The following ASH1L variants were observed in gnomAD, a reference collection of about 807,000 sequenced individuals.
The protein encoded by ASH1L is ASH1 like histone lysine methyltransferase.
In ASH1L, 23 loss-of-function variants were observed where a neutral mutation model predicts 269.0. The ratio of observed to expected loss-of-function variants is 0.09; its 90% CI spans 0.06 to 0.12. The LOEUF is 0.12. Among genes scored for constraint, ASH1L ranks in the 10% least tolerant of loss-of-function variants. The pLI is 1.00. For missense variants in ASH1L, 2,912 were observed against 3,567.8 expected (o/e 0.82, Z 4.68); for synonymous variants, 1,187 against 1,253.5 (o/e 0.95, Z 1.12).
intron 2 of ASH1L, among the ~76,000 whole-genome samples, chr1:155,487,775 A>G (rs1666429276): frequency 6.6e-6 from 1 of 152,038 alleles, no homozygotes. Context: ...GTATTTTTCT[A>G]TATGTATGTT....
chr1:155,428,777 T>C (rs753834481), intron 5 of ASH1L, among the ~76,000 whole-genome samples: 1 of 152,220 alleles, frequency 6.6e-6, no homozygotes, highest in African/African-American at 2.4e-5. Flanking sequence ...ATACTTTTAG[T>C]TAATCCCGTT....
intron 12 of ASH1L, among the ~76,000 whole-genome samples, chr1:155,361,373 C>T (rs1269957378): frequency 5.9e-5 from 9 of 151,628 alleles, no homozygotes; most frequent in Non-Finnish European, 1.0e-4. Flanking sequence ...AAAAATTAGC[C>T]GGGCATGGTG....
intron 1 of ASH1L, among the ~76,000 whole-genome samples, chr1:155,545,282 T>C (rs924993075): frequency 1.4e-5 from 2 of 145,344 alleles, no homozygotes; most frequent in Admixed American, 1.4e-4. Flanking sequence ...AAATGGGCAC[T>C]AGTGGCCACC....
At chr1:155,427,685 C>T (rs1375552666) in intron 5 of ASH1L, among the ~76,000 whole-genome samples, 1 of 152,086 alleles carries the variant, frequency 6.6e-6, no homozygotes, top group Non-Finnish European at 1.5e-5. Flanking sequence ...GTGATCCACC[C>T]ACCTCGGCCT....
intron 4 of ASH1L, among the ~76,000 whole-genome samples, chr1:155,439,552 T>C (rs1662375056): frequency 6.6e-6 from 1 of 152,020 alleles, no homozygotes; most frequent in Admixed American, 6.6e-5. Context: ...ATAAAAAAAT[T>C]AGCCAGGCAT....
intron 6 of ASH1L, among the ~76,000 whole-genome samples, chr1:155,403,807 T>C (rs889277777): frequency 6.6e-5 from 10 of 151,970 alleles, no homozygotes; most frequent in African/African-American, 9.7e-5. Flanking sequence ...CAGAAGCTTT[T>C]TTTGGAGGGC....
At position 155,415,736 on chromosome 1, in the gene ASH1L, C is replaced by T; in HGVS notation, c.6008+8G>A. On this transcript the variant is annotated splice_region_variant and intron_variant, in intron 6 of 27. Transcript: ENST00000392403. ...AAGGGATGTTAGCTAATAGGTACTA[C>T]TACTTACTCTGTAGTTTTGTAAACG... The T allele has an allele frequency of 6.2e-7, 1 of 1,613,232 alleles. No individual in the cohort carries two copies. The highest frequency in any genetic ancestry group is 8.5e-7 in the Non-Finnish European group (1 of 1,179,692).
chr1:155,372,725 C>T (rs1310761008), intron 10 of ASH1L, among the ~76,000 whole-genome samples: 1 of 152,064 alleles, frequency 6.6e-6, no homozygotes, highest in Non-Finnish European at 1.5e-5. Flanking sequence ...ATCCATCCTG[C>T]CTCGGCCTCC....
At chr1:155,403,496 T>A (rs1403361298) in intron 6 of ASH1L, among the ~76,000 whole-genome samples, 1 of 152,220 alleles carries the variant, frequency 6.6e-6, no homozygotes, top group Non-Finnish European at 1.5e-5. Context: ...TCTCTAAGCC[T>A]TAGCTTCTTC....
At chr1:155,541,309 T>C (rs1441966674) in intron 1 of ASH1L, among the ~76,000 whole-genome samples, 5 of 152,038 alleles carry the variant, frequency 3.3e-5, no homozygotes, top group Non-Finnish European at 7.4e-5. Context: ...ACTTAAAATA[T>C]TAAAAATTGA....
intron 25 of ASH1L, among the ~76,000 whole-genome samples, chr1:155,341,385 C>G (rs1036591355): frequency 6.6e-6 from 1 of 152,120 alleles, no homozygotes; most frequent in African/African-American, 2.4e-5. Flanking sequence ...ACCGTGTTAG[C>G]CAGGATGGTC....
At chr1:155,446,607 G>GTTTCTTTTTTTTTTTT (rs1663050175) in intron 4 of ASH1L, among the ~76,000 whole-genome samples, 4 of 144,742 alleles carry the variant, frequency 2.8e-5, no homozygotes, top group Non-Finnish European at 6.1e-5. Flanking sequence ...CTACATTTCA[G>GTTTCTTTTTTTTTTTT]TTTCTTTTTT....
Position 155,521,936 on chromosome 1 carries a change from T to C in ASH1L, c.-99-318A>G, listed in dbSNP as rs553513197. 5.3e-5 allele frequency among the ~76,000 whole-genome samples: 8 copies of C among 152,278 alleles called. No individual in the cohort carries two copies. In the East Asian group the frequency reaches 1.4e-3, roughly 26 times the overall value. ...CTAAAATCAAAATAACTTTCATATA[T>C]TTTCGCACTCATCAGTTTTAAAAGA... On this transcript the variant is annotated intron_variant, in intron 1 of 27. Coordinates refer to ENST00000392403, the MANE Select transcript of ASH1L (RefSeq NM_018489.3).
Position 155,481,418 on chromosome 1 carries a change from T to A in ASH1L, c.1452A>T (p.Arg484=). The change falls in exon 3 of 28, where the codon CGA becomes CGT. Residue 484 remains arginine (R), a synonymous_variant. Transcript: ENST00000392403. ...KESILEKFSV[R]KEIINLEKEM... ...CTTTCTCCAAATTAATGATTTCTTT[T>A]CGTACTGAGAACTTTTCCAATATGC... The A allele has an allele frequency of 6.2e-7, 1 of 1,614,104 alleles. No homozygotes were observed. The highest frequency in any genetic ancestry group is 1.3e-5 in the African/African-American group (1 of 75,060).
At chr1:155,381,531 T>C (rs1041089028) in intron 7 of ASH1L, among the ~76,000 whole-genome samples, 5 of 144,356 alleles carry the variant, frequency 3.5e-5, no homozygotes, top group Admixed American at 7.1e-5. Flanking sequence ...GCCTGGACAA[T>C]AGTGCGAGAC....
intron 1 of ASH1L, among the ~76,000 whole-genome samples, chr1:155,544,808 C>T (rs963005341): frequency 6.6e-6 from 1 of 151,778 alleles, no homozygotes; most frequent in African/African-American, 2.4e-5. Flanking sequence ...TAGGCAATTA[C>T]AAGAGAGATA....
intron 3 of ASH1L, among the ~76,000 whole-genome samples, chr1:155,472,078 G>A (rs569555859): frequency 1.1e-4 from 16 of 152,252 alleles, no homozygotes; most frequent in Middle Eastern, 3.4e-3. Context: ...TTCTCTTGCG[G>A]TCAGGAGTTT....
chr1:155,441,440 T>G (rs548645968), intron 4 of ASH1L, among the ~76,000 whole-genome samples: 2 of 150,098 alleles, frequency 1.3e-5, no homozygotes, highest in South Asian at 2.1e-4. Context: ...CACCAGATAT[T>G]TGAATAAAGA....
chr1:155,549,191 A>T (rs77464506), intron 1 of ASH1L, among the ~76,000 whole-genome samples: 3,813 of 152,226 alleles, frequency 0.025, 222 homozygotes, highest in Admixed American at 0.14. Flanking sequence ...AAAACCAAAA[A>T]AATTACCCGA....
Sources: gnomAD v4.1 joint callset for allele counts (sites outside exome capture counted in the v4.1 genomes callset) on GRCh38, gnomAD v4.1.1 for gene constraint, MANE v1.5 for transcripts, NCBI Gene and HGNC (gene_info 2026-07-23, HGNC 2026-07-21) for gene names.